Variants in HEATR9 observed in about 807,000 individuals in gnomAD.
HEATR9 encodes protein HEATR9.
Under a neutral mutation model 68.2 loss-of-function variants are expected in HEATR9, and 54 were observed. That is an observed-to-expected ratio of 0.79 (90% confidence interval 0.64 to 0.99). The LOEUF is 0.99. Ranked by LOEUF, HEATR9 falls within the 50% of genes least tolerant of loss-of-function variation. The pLI is 0.00. For missense variants in HEATR9, 662 were observed against 679.7 expected (o/e 0.97, Z 0.29); for synonymous variants, 241 against 253.5 (o/e 0.95, Z 0.47).
chr17:35,865,695 G>C (rs536901580), intron 2 of HEATR9, among the ~76,000 whole-genome samples: 4 of 152,334 alleles, frequency 2.6e-5, no homozygotes, highest in Admixed American at 2.0e-4. Flanking sequence ...AGCCACTGGT[G>C]ATCTGTAAAT....
At chr17:35,860,454 A>G (rs556663184) in intron 8 of HEATR9, among the ~76,000 whole-genome samples, 1 of 127,048 alleles carries the variant, frequency 7.9e-6, no homozygotes, top group African/African-American at 3.3e-5. Flanking sequence ...CCTTATTTTT[A>G]TTTATTTATT....
chr17:35,855,032 G>A lies in HEATR9; in HGVS notation c.*31C>T. 1 of 1,550,104 alleles carries A rather than the reference G, an allele frequency of 6.5e-7. No individual in the cohort carries two copies. Among genetic ancestry groups the A allele is most frequent in the South Asian group, 1.1e-5 (1 of 87,590 alleles). ...GGAGCCTGAGAAGCATCTTCAGGGA[G>A]GGAGTCGGGGAGTAGGCCCAAAGAA... On this transcript the variant is annotated 3_prime_UTR_variant, in exon 15 of 15. Transcript: ENST00000604834.
Position 35,863,027 on chromosome 17 carries a change from G to A in HEATR9, c.724C>T (p.Leu242Phe). 1 of 1,614,190 alleles carries A rather than the reference G, an allele frequency of 6.2e-7. No homozygotes were observed. The change falls in exon 8 of 15, where the codon CTT (leucine) becomes TTT (phenylalanine). Residue 242 changes from leucine to phenylalanine, a missense_variant. Transcript: ENST00000604834. ...TTAGAGACAGCAGCCCAGGAGTTAAGAGCCATTCGTAGCCCCGTCAAAGTC... is the reference window on the plus strand; with the variant it reads ...TTAGAGACAGCAGCCCAGGAGTTAAAAGCCATTCGTAGCCCCGTCAAAGTC... ...METLTGLRMA[L>F]NSWAAVSKDK...
intron 4 of HEATR9, 72 bp from the exon 5 acceptor site, chr17:35,864,625 T>C: frequency 6.3e-7 from 1 of 1,583,646 alleles, no homozygotes; most frequent in Admixed American, 1.8e-5. Context: ...AGGGAGCTCA[T>C]CCAATCCAAT....
chr17:35,868,589 G>A (rs369077825), intron 1 of HEATR9, 66 bp downstream of exon 1: 4 of 1,608,238 alleles, frequency 2.5e-6, no homozygotes, highest in African/African-American at 1.3e-5. Flanking sequence ...CTGGGAGTGA[G>A]AGCCAGGTAG....
At chr17:35,865,420 A>G (rs773183519) in intron 2 of HEATR9, 24 bp from the exon 3 acceptor site, 2 of 1,606,288 alleles carry the variant, frequency 1.2e-6, no homozygotes, top group Admixed American at 3.4e-5. Flanking sequence ...GTGGCAGAAC[A>G]GTCAGAGGGG....
At chr17:35,863,366 C>T (rs1489380656) in intron 7 of HEATR9, 136 bp downstream of exon 7, 8 of 1,043,108 alleles carry the variant, frequency 7.7e-6, no homozygotes, top group Non-Finnish European at 1.0e-5. Flanking sequence ...CTTGGTTCAA[C>T]ATAACTGGGA....
chr17:35,865,486 G>A, intron 2 of HEATR9, 90 bp from the exon 3 acceptor site: 1 of 939,408 alleles, frequency 1.1e-6, no homozygotes, highest in Non-Finnish European at 1.6e-6. Flanking sequence ...GGGAGGGAAG[G>A]GCAGGGTGAA....
Position 35,855,338 on chromosome 17 carries a change from A to G in HEATR9, c.1438T>C (p.Ser480Pro). ...TTGGTCTTAGGTGCCTCATATACAG[A>G]GAGAACCTTGTTTTTCAGCTTGTTT... ...IQNKLKNKVL[S>P]VYEAPKTNVK... is the part of the protein sequence containing the mutation. The change falls in exon 15 of 15, where the codon TCT becomes CCT. Residue 480 changes from serine to proline, a missense_variant. Coordinates refer to ENST00000604834, the MANE Select transcript of HEATR9 (RefSeq NM_152781.4). The G allele has an allele frequency of 6.2e-7, 1 of 1,614,182 alleles. No homozygotes were observed. The highest frequency in any genetic ancestry group is 8.5e-7 in the Non-Finnish European group (1 of 1,180,012).
At chr17:35,867,428 CAAAAAAAAAAAAAA>C (rs11315915) in intron 1 of HEATR9, among the ~76,000 whole-genome samples, 5 of 40,066 alleles carry the variant, frequency 1.2e-4, no homozygotes, top group South Asian at 3.6e-3. Context: ...GAGCAAGACT[CAAAAAAAAAAAAAA>C]AAAAAAAAAA....
In HEATR9 at chr17:35,859,010, ACTT is replaced by A. The variant is rs1387415749; in HGVS notation, c.814_816del (p.Lys272del). ...GCCTCCAGAGATGCTTCACTGGACGACTTCTTGATCAGTGTCTGTAGTACAGGC... is the reference window on the plus strand; with the variant it reads ...GCCTCCAGAGATGCTTCACTGGACGACTTGATCAGTGTCTGTAGTACAGGC... On this transcript the variant is annotated inframe_deletion, in exon 9 of 15. Transcript: ENST00000604834. 10 of 1,614,020 alleles carry A rather than the reference ACTT, an allele frequency of 6.2e-6. No individual in the cohort carries two copies. In the African/African-American group the frequency reaches 8.0e-5, roughly 13 times the overall value.
intron 2 of HEATR9, 22 bp from the exon 3 acceptor site, chr17:35,865,418 A>C (rs549203598): frequency 5.6e-6 from 9 of 1,607,996 alleles, no homozygotes; most frequent in Non-Finnish European, 7.6e-6. Context: ...AAGTGGCAGA[A>C]CAGTCAGAGG....
At chr17:35,867,059 G>A (rs528707407) in intron 1 of HEATR9, among the ~76,000 whole-genome samples, 23 of 151,588 alleles carry the variant, frequency 1.5e-4, no homozygotes, top group African/African-American at 5.3e-4. Flanking sequence ...GGACCATACT[G>A]GCTAACATGG....
At position 35,864,469 on chromosome 17, in the gene HEATR9, A is replaced by T; in HGVS notation, c.510+28T>A. The T allele has an allele frequency of 1.9e-6, 3 of 1,609,362 alleles. No homozygotes were observed. The South Asian group carries it at 3.3e-5, about 18-fold the overall frequency. On this transcript the variant is annotated intron_variant, in intron 5 of 14. Coordinates refer to ENST00000604834, the MANE Select transcript of HEATR9 (RefSeq NM_152781.4). The stretch of plus-strand genomic sequence containing the variant: ...GCTTGGCCAACTCCTGGCTGTAACC[A>T]CCCTCCTCTATCCTTGCCTCTTCTC...
rs911756021 is a variant in HEATR9 at position 35,863,238 on chromosome 17, C to G, written c.626-113G>C. The G allele has an allele frequency of 1.8e-5, 25 of 1,391,976 alleles. No individual in the cohort carries two copies. The African/African-American group carries it at 3.6e-4, about 20-fold the overall frequency. The allele number at this position is 1,391,976 out of a possible 1,614,324, so 86.2% of individuals were successfully genotyped here. ...GACCTAAGTTCCAAGTCCTAGGTAC[C>G]ACAGTGTTGCTCATCTTCCCAGGAT... On this transcript the variant is annotated intron_variant, in intron 7 of 14. Transcript: ENST00000604834.
At chr17:35,866,173 G>C (rs563626409) in intron 2 of HEATR9, among the ~76,000 whole-genome samples, 1 of 151,810 alleles carries the variant, frequency 6.6e-6, no homozygotes, top group Admixed American at 6.6e-5. Context: ...GGGTTCTCAA[G>C]TGATTGGCAT....
chr17:35,855,620 A>T (rs891681044), intron 14 of HEATR9, 44 bp downstream of exon 14: 1 of 1,563,792 alleles, frequency 6.4e-7, no homozygotes, highest in African/African-American at 1.4e-5. Flanking sequence ...AGCTTGAAGG[A>T]GGGCTAGAGA....
At chr17:35,861,844 CA>C (rs2088005299) in intron 8 of HEATR9, among the ~76,000 whole-genome samples, 1 of 151,698 alleles carries the variant, frequency 6.6e-6, no homozygotes, top group African/African-American at 2.4e-5. Flanking sequence ...TAACATACTA[CA>C]TAATTTTCTT....
At chr17:35,862,918 C>A in intron 8 of HEATR9, 77 bp downstream of exon 8, 1 of 1,598,874 alleles carries the variant, frequency 6.3e-7, no homozygotes, top group Non-Finnish European at 8.6e-7. Context: ...TACCTTCTTC[C>A]TCACCCAACC....
Sources: gnomAD v4.1 joint callset for allele counts (sites outside exome capture counted in the v4.1 genomes callset) on GRCh38, gnomAD v4.1.1 for gene constraint, MANE v1.5 for transcripts, NCBI Gene and HGNC (gene_info 2026-07-23, HGNC 2026-07-21) for gene names.